CNTNAP2: variants seen among roughly 807,000 people sequenced by gnomAD.
The protein encoded by CNTNAP2 is contactin-associated protein-like 2.
A neutral mutation model predicts 155.2 loss-of-function variants in CNTNAP2; 98 were observed. That is an observed-to-expected ratio of 0.63 (90% confidence interval 0.54 to 0.75). The LOEUF is 0.75. CNTNAP2 is among the 30% of genes least tolerant of loss of function. The probability of loss-of-function intolerance (pLI) is 0.00; values close to 1 mark genes in which losing one functional copy is unlikely to be tolerated. For synonymous variants in CNTNAP2, 651 were observed against 631.2 expected (o/e 1.03, Z -0.47); for missense variants, 1,727 against 1,688.1 (o/e 1.02, Z -0.40).
chr7:147,277,775 CT>C (rs61529022), intron 8 of CNTNAP2, among the ~76,000 whole-genome samples: 40,936 of 147,592 alleles, frequency 0.28, 5,869 homozygotes, highest in African/African-American at 0.33. Context: ...GTTCAAACTT[CT>C]TTTTTTTTTT....
In CNTNAP2 at chr7:148,380,069, TATAA is replaced by T. The variant is rs530136449; in HGVS notation, c.3476-3579_3476-3576del. Among the ~76,000 whole-genome samples the T allele has an allele frequency of 6.1e-4, 93 of 152,362 alleles. 1 individual carries two copies. Among genetic ancestry groups the T allele is most frequent in the African/African-American group, 2.2e-3 (90 of 41,586 alleles). On this transcript the variant is annotated intron_variant, in intron 21 of 23. Transcript: ENST00000361727. ...TTTCTGTAATCCATATCGTTATGAA[TATAA>T]GACATTAACGTACTGATTGCCACTT...
intron 4 of CNTNAP2, among the ~76,000 whole-genome samples, chr7:147,077,821 T>G (rs980029747): frequency 2.6e-5 from 4 of 152,152 alleles, no homozygotes; most frequent in Non-Finnish European, 4.4e-5. Flanking sequence ...TTTGTAAAGG[T>G]TCTGGAACAT....
At chr7:146,226,136 C>T (rs939678006) in intron 1 of CNTNAP2, among the ~76,000 whole-genome samples, 6 of 152,148 alleles carry the variant, frequency 3.9e-5, no homozygotes, top group Non-Finnish European at 1.5e-5. Context: ...TGTGGTGACC[C>T]AACCTCTTAG....
At chr7:147,106,704 G>A (rs1800773480) in intron 4 of CNTNAP2, among the ~76,000 whole-genome samples, 1 of 152,118 alleles carries the variant, frequency 6.6e-6, no homozygotes, top group East Asian at 1.9e-4. Flanking sequence ...GGCATGCTTA[G>A]ATTTCATTTT....
At chr7:146,580,046 T>C (rs1341362135) in intron 1 of CNTNAP2, among the ~76,000 whole-genome samples, 1 of 152,118 alleles carries the variant, frequency 6.6e-6, no homozygotes, top group African/African-American at 2.4e-5. Flanking sequence ...TAACCAATTA[T>C]ATTTCCTATG....
intron 1 of CNTNAP2, among the ~76,000 whole-genome samples, chr7:146,552,294 A>T (rs1437221566): frequency 1.3e-5 from 2 of 152,150 alleles, no homozygotes; most frequent in Non-Finnish European, 2.9e-5. Context: ...CACCTGCAAC[A>T]GTTCCTTCCT....
chr7:147,548,248 C>T (rs1190609360), intron 11 of CNTNAP2, among the ~76,000 whole-genome samples: 1 of 152,162 alleles, frequency 6.6e-6, no homozygotes, highest in East Asian at 1.9e-4. Context: ...CCTATTTCTC[C>T]ACAGCCTCAC....
intron 1 of CNTNAP2, among the ~76,000 whole-genome samples, chr7:146,491,849 G>A (rs1238015969): frequency 6.6e-6 from 1 of 152,114 alleles, no homozygotes; most frequent in African/African-American, 2.4e-5. Context: ...CCAGAAAAAG[G>A]TAATTCATCT....
At position 147,429,074 on chromosome 7, in the gene CNTNAP2, A is replaced by T. The variant is rs538970787; in HGVS notation, c.1670+33294A>T. ...TACTTTACTTAGAATGTTGGCCTCC[A>T]TCTCCATCCAGATTTCTGTGAATGC... On this transcript the variant is annotated intron_variant, in intron 10 of 23. Coordinates refer to ENST00000361727, the MANE Select transcript of CNTNAP2 (RefSeq NM_014141.6). 2.6e-5 allele frequency among the ~76,000 whole-genome samples: 4 copies of T among 151,924 alleles called. No individual in the cohort carries two copies. In the East Asian group the frequency reaches 7.8e-4, roughly 30 times the overall value.
chr7:146,221,413 T>C (rs1438129435), intron 1 of CNTNAP2, among the ~76,000 whole-genome samples: 1 of 152,128 alleles, frequency 6.6e-6, no homozygotes, highest in African/African-American at 2.4e-5. Context: ...ATTGCAACAA[T>C]AGATACTGAA....
chr7:147,477,869 T>G (rs1798349624), intron 10 of CNTNAP2, among the ~76,000 whole-genome samples: 1 of 152,154 alleles, frequency 6.6e-6, no homozygotes, highest in Non-Finnish European at 1.5e-5. Context: ...TAAATATAAG[T>G]CGAATGAACA....
chr7:147,392,504 C>A (rs997472303), intron 9 of CNTNAP2, among the ~76,000 whole-genome samples: 1 of 151,912 alleles, frequency 6.6e-6, no homozygotes, highest in African/African-American at 2.4e-5. Flanking sequence ...ATCCTTCACC[C>A]CTCTCCCACC....
At chr7:146,350,827 C>T (rs1794902630) in intron 1 of CNTNAP2, among the ~76,000 whole-genome samples, 1 of 152,044 alleles carries the variant, frequency 6.6e-6, no homozygotes, top group Admixed American at 6.6e-5. Flanking sequence ...GACACATATA[C>T]ACCATAGAAT....
chr7:147,724,844 A>G (rs1397350147), intron 13 of CNTNAP2, among the ~76,000 whole-genome samples: 1 of 152,018 alleles, frequency 6.6e-6, no homozygotes, highest in Non-Finnish European at 1.5e-5. Context: ...ACTAGATGCC[A>G]CTACTGTGAG....
intron 16 of CNTNAP2, chr7:148,133,537 T>A (rs1221360711): frequency 6.6e-6 from 1 of 152,084 alleles, no homozygotes; most frequent in Non-Finnish European, 1.5e-5. Context: ...GATTTAGAGG[T>A]TCAGACTCCT....
intron 1 of CNTNAP2, among the ~76,000 whole-genome samples, chr7:146,482,711 C>T (rs1349416514): frequency 1.3e-5 from 2 of 151,490 alleles, no homozygotes; most frequent in Non-Finnish European, 2.9e-5. Flanking sequence ...CCACTGCACT[C>T]CAGCCCGGTG....
At chr7:148,225,334 G>A (rs1412022097) in intron 19 of CNTNAP2, among the ~76,000 whole-genome samples, 3 of 152,166 alleles carry the variant, frequency 2.0e-5, no homozygotes, top group Non-Finnish European at 4.4e-5. Flanking sequence ...TCACTGAGAA[G>A]AGGACATGAG....
chr7:146,287,817 T>G (rs2129086032), intron 1 of CNTNAP2, among the ~76,000 whole-genome samples: 1 of 152,342 alleles, frequency 6.6e-6, no homozygotes, highest in South Asian at 2.1e-4. Flanking sequence ...ATATCTCATT[T>G]GAGCCTTGGA....
At chr7:146,901,759 A>AT (rs1477862818) in intron 3 of CNTNAP2, among the ~76,000 whole-genome samples, 1 of 150,116 alleles carries the variant, frequency 6.7e-6, no homozygotes, top group Non-Finnish European at 1.5e-5. Context: ...GAAAAAAATT[A>AT]TTTTTGCTAA....
Sources: gnomAD v4.1 joint callset for allele counts (sites outside exome capture counted in the v4.1 genomes callset) on GRCh38, gnomAD v4.1.1 for gene constraint, MANE v1.5 for transcripts, NCBI Gene and HGNC (gene_info 2026-07-23, HGNC 2026-07-21) for gene names.